ACTR3B: variants seen among roughly 807,000 people sequenced by gnomAD.
ACTR3B encodes the protein actin-related protein 3B.
In ACTR3B, 8 loss-of-function variants were observed where a neutral mutation model predicts 59.0. The observed-to-expected ratio is 0.14, with a 90% CI of 0.08 to 0.24. ACTR3B has a LOEUF of 0.24. Among genes scored for constraint, ACTR3B ranks in the 10% least tolerant of loss-of-function variants. The pLI, the probability that ACTR3B is intolerant of heterozygous loss-of-function variation, is 1.00. For synonymous variants in ACTR3B, 148 were observed against 197.9 expected (o/e 0.75, Z 2.12); for missense variants, 245 against 552.3 (o/e 0.44, Z 5.58).
intron 2 of ACTR3B, among the ~76,000 whole-genome samples, chr7:152,783,639 C>T (rs2098162112): frequency 6.6e-6 from 1 of 151,866 alleles, no homozygotes; most frequent in Non-Finnish European, 1.5e-5. Flanking sequence ...AAATGATAGG[C>T]CTGATGACTG....
chr7:152,811,392 A>T (rs1466893065), intron 4 of ACTR3B: 4 of 151,084 alleles, frequency 2.6e-5, no homozygotes, highest in Non-Finnish European at 5.9e-5. Flanking sequence ...GAGAGGAAAT[A>T]GCTTACCAAG....
chr7:152,821,839 C>A (rs1336470766), intron 7 of ACTR3B, among the ~76,000 whole-genome samples: 3 of 152,344 alleles, frequency 2.0e-5, no homozygotes, highest in African/African-American at 4.8e-5. Context: ...AGAGCTCCCC[C>A]CGCTTCCCCT....
At chr7:152,761,614 T>C (rs1416989840) in intron 1 of ACTR3B, among the ~76,000 whole-genome samples, 1 of 152,176 alleles carries the variant, frequency 6.6e-6, no homozygotes, top group Non-Finnish European at 1.5e-5. Flanking sequence ...ATCATTGTTT[T>C]GTGGCCCAAA....
intron 9 of ACTR3B, among the ~76,000 whole-genome samples, chr7:152,827,070 C>A (rs1796633090): frequency 6.7e-6 from 1 of 149,254 alleles, no homozygotes; most frequent in African/African-American, 2.5e-5. Context: ...CAGCCTCGAC[C>A]TCTCGGGCTC....
intron 2 of ACTR3B, among the ~76,000 whole-genome samples, chr7:152,786,706 CTT>C (rs1186266632): frequency 6.6e-6 from 1 of 152,048 alleles, no homozygotes; most frequent in Admixed American, 6.6e-5. Context: ...TCAGACCTCT[CTT>C]CTTTTCCTCT....
rs140698648 is a variant in ACTR3B, at chr7:152,852,843, G to C, written c.1077+592G>C. On this transcript the variant is annotated intron_variant, in intron 10 of 11. Transcript: ENST00000256001. ...GTCTCTCTCTGTCGCCCAGGCTGGA[G>C]TGCAGTGGTGAGATCTCGGCTCATA... is the stretch of plus-strand genomic sequence containing the variant. 6.0e-3 allele frequency among the ~76,000 whole-genome samples: 918 copies of C among 152,126 alleles called. 6 individuals are homozygous for C. The highest frequency in any genetic ancestry group is 0.01 in the Non-Finnish European group (694 of 67,992).
chr7:152,774,286 G>A (rs2098131346), intron 1 of ACTR3B, among the ~76,000 whole-genome samples: 1 of 152,088 alleles, frequency 6.6e-6, no homozygotes, highest in Non-Finnish European at 1.5e-5. Flanking sequence ...ACAGGCATGC[G>A]CCACCGCACC....
intron 9 of ACTR3B, among the ~76,000 whole-genome samples, chr7:152,829,994 A>C (rs145019140): frequency 5.2e-4 from 79 of 152,368 alleles, no homozygotes; most frequent in Non-Finnish European, 1.0e-4. Flanking sequence ...AGCTTATAAA[A>C]AAGCTAAAAA....
intron 1 of ACTR3B, among the ~76,000 whole-genome samples, chr7:152,778,791 A>T (rs73490911): frequency 0.027 from 4,057 of 151,498 alleles, 75 homozygotes; most frequent in African/African-American, 0.058. Flanking sequence ...ATAAAAAAAA[A>T]ACTTAGCCGG....
At chr7:152,781,487 C>G (rs532737736) in intron 1 of ACTR3B, among the ~76,000 whole-genome samples, 11 of 152,098 alleles carry the variant, frequency 7.2e-5, no homozygotes, top group African/African-American at 2.4e-4. Flanking sequence ...GGACCCTGTT[C>G]TGGGCAGCGT....
At chr7:152,835,048 A>G (rs1223730113) in intron 9 of ACTR3B, among the ~76,000 whole-genome samples, 3 of 151,466 alleles carry the variant, frequency 2.0e-5, no homozygotes, top group Admixed American at 1.3e-4. Context: ...TGTTTTCTGA[A>G]TTAAGTGTTT....
rs1471570777 is a variant in ACTR3B, at chr7:152,824,512, C to T, written c.859-518C>T. Among the ~76,000 whole-genome samples the T allele has an allele frequency of 6.6e-6, 1 of 152,140 alleles. No individual in the cohort carries two copies. Among genetic ancestry groups the T allele is most frequent in the Admixed American group, 6.5e-5 (1 of 15,270 alleles). On this transcript the variant is annotated intron_variant, in intron 8 of 11. Coordinates refer to ENST00000256001, the MANE Select transcript of ACTR3B (RefSeq NM_020445.6). This position sits in a 1 kb window ranked among gnomAD's most constrained non-coding sequence, Gnocchi z 4.2. Reference sequence around the variant, plus strand: ...GGAATTGAATCTATGGCTGTTTATTCAATAACATGATTATCATGTGGATTG... The same window carrying T: ...GGAATTGAATCTATGGCTGTTTATTTAATAACATGATTATCATGTGGATTG...
chr7:152,825,989 A>G (rs1796540087), intron 9 of ACTR3B, among the ~76,000 whole-genome samples: 2 of 152,174 alleles, frequency 1.3e-5, no homozygotes, highest in Non-Finnish European at 2.9e-5. Context: ...GGTGATGGGC[A>G]ATTAGCCTTC....
chr7:152,853,254 AG>A (rs1231728835), intron 10 of ACTR3B, among the ~76,000 whole-genome samples: 1 of 150,148 alleles, frequency 6.7e-6, no homozygotes, highest in African/African-American at 2.4e-5. Flanking sequence ...GCCTTGTGAG[AG>A]GGAGGTGCTG....
intron 1 of ACTR3B, among the ~76,000 whole-genome samples, chr7:152,780,906 G>T (rs2966513): frequency 1.3e-4 from 19 of 150,484 alleles, no homozygotes; most frequent in African/African-American, 2.4e-4. Flanking sequence ...AGGGCAGTGG[G>T]GCAGTCATAG....
chr7:152,821,528 G>A (rs1462752978), intron 7 of ACTR3B, among the ~76,000 whole-genome samples: 1 of 152,126 alleles, frequency 6.6e-6, no homozygotes, highest in African/African-American at 2.4e-5. Context: ...CCACTCCAGT[G>A]AGTCTGAGTC....
chr7:152,808,534 T>G (rs1440860781), intron 4 of ACTR3B, among the ~76,000 whole-genome samples: 2 of 152,056 alleles, frequency 1.3e-5, no homozygotes, highest in South Asian at 4.2e-4. Context: ...TTCTTGTTGG[T>G]GATGTCTTCC....
chr7:152,800,090 AT>A (rs1460738155), intron 2 of ACTR3B, among the ~76,000 whole-genome samples: 6 of 152,206 alleles, frequency 3.9e-5, no homozygotes, highest in Non-Finnish European at 8.8e-5. Context: ...CTAAAAGTAC[AT>A]TTTAAGGCTA....
chr7:152,823,081 G>T (rs568366208), intron 7 of ACTR3B, among the ~76,000 whole-genome samples: 3 of 152,176 alleles, frequency 2.0e-5, no homozygotes, highest in Non-Finnish European at 4.4e-5. Flanking sequence ...ATATGATAGC[G>T]ATAGAATTGG....
Sources: allele counts gnomAD v4.1 joint callset (sites outside exome capture counted in the v4.1 genomes callset), GRCh38; gene constraint gnomAD v4.1.1; non-coding constraint Gnocchi (gnomAD v3.1); transcripts MANE v1.5; gene names NCBI Gene and HGNC (gene_info 2026-07-23, HGNC 2026-07-21).